Variants in IRS2 observed in about 807,000 individuals in gnomAD.
IRS2 encodes the protein insulin receptor substrate 2.
A neutral mutation model predicts 70.9 loss-of-function variants in IRS2; 28 were observed. That is an observed-to-expected ratio of 0.39 (90% CI 0.29 to 0.54). IRS2 has a LOEUF of 0.54. IRS2 is among the 20% of genes least tolerant of loss of function. IRS2 has a pLI of 0.59. For missense variants in IRS2, 2,081 were observed against 2,024.1 expected (o/e 1.03, Z -0.54); for synonymous variants, 1,217 against 981.9 (o/e 1.24, Z -4.48).
intron 1 of IRS2, among the ~76,000 whole-genome samples, chr13:109,779,287 G>C (rs1877645609): frequency 6.6e-6 from 1 of 152,220 alleles, no homozygotes; most frequent in African/African-American, 2.4e-5. Flanking sequence ...ATGCAGAACA[G>C]GAAGAGCTCA....
At position 109,782,025 on chromosome 13, in the gene IRS2, G is replaced by A. The variant is rs773358410; in HGVS notation, c.4012+17C>T. ...CCCCTCCTTCCCGCCAGACGCCAAGGCAAAGGGCCTCCTCACCTTTCACGA... is the reference window on the plus strand; with the variant it reads ...CCCCTCCTTCCCGCCAGACGCCAAGACAAAGGGCCTCCTCACCTTTCACGA... On this transcript the variant is annotated intron_variant, in intron 1 of 1. Coordinates refer to ENST00000375856, the MANE Select transcript of IRS2 (RefSeq NM_003749.3). 6 of 1,611,418 alleles carry A rather than the reference G, an allele frequency of 3.7e-6. No individual in the cohort carries two copies. The African/African-American group carries it at 8.0e-5, about 22-fold the overall frequency.
chr13:109,773,421 C>A (rs1816149573), intron 1 of IRS2, among the ~76,000 whole-genome samples: 1 of 152,182 alleles, frequency 6.6e-6, no homozygotes, highest in Admixed American at 6.5e-5. Flanking sequence ...ACTTATAGAA[C>A]AAGCACCTGT....
intron 1 of IRS2, among the ~76,000 whole-genome samples, chr13:109,775,753 A>AACACACAC (rs71127906): frequency 0.024 from 3,418 of 140,486 alleles, 52 homozygotes; most frequent in South Asian, 0.033. Context: ...ATATTATGGA[A>AACACACAC]ACACACACAC....
chr13:109,764,533 A>G (rs1877294348), intron 1 of IRS2, among the ~76,000 whole-genome samples: 2 of 152,232 alleles, frequency 1.3e-5, no homozygotes, highest in South Asian at 2.1e-4. Context: ...TACTAGCACA[A>G]CTGGCATTTT....
chr13:109,759,352 C>G (rs1357263990), intron 1 of IRS2, among the ~76,000 whole-genome samples: 2 of 152,158 alleles, frequency 1.3e-5, no homozygotes, highest in Non-Finnish European at 2.9e-5. Flanking sequence ...CCAGGTGACC[C>G]TTTGGGATGC....
chr13:109,773,055 T>G (rs1195431040), intron 1 of IRS2, among the ~76,000 whole-genome samples: 8 of 152,222 alleles, frequency 5.3e-5, no homozygotes, highest in Admixed American at 2.0e-4. Context: ...GCTAAAGTGT[T>G]TCTTTCTGCT....
At chr13:109,777,936 C>T (rs1251996251) in intron 1 of IRS2, among the ~76,000 whole-genome samples, 2 of 152,198 alleles carry the variant, frequency 1.3e-5, no homozygotes, top group Middle Eastern at 3.4e-3. Flanking sequence ...GAGCCTGGAG[C>T]GGAACTAGCA....
intron 1 of IRS2, among the ~76,000 whole-genome samples, chr13:109,769,537 G>A (rs4773088): frequency 0.31 from 47,602 of 151,842 alleles, 7,558 homozygotes; most frequent in Middle Eastern, 0.46. Flanking sequence ...CTTAACATCT[G>A]TAAGACCGGC....
At position 109,785,969 on chromosome 13, in the gene IRS2, G is replaced by GGTTGCT. The variant is rs1555317027; in HGVS notation, c.84_85insAGCAAC (p.Asn28_His29insSerAsn). ...AGGTAGCCGCACTTGCGCACGCTGTGGTTGTTGTTGTTGTTGTTGTTGTTG... is the reference window on the plus strand; with the variant it reads ...AGGTAGCCGCACTTGCGCACGCTGTGGTTGCTGTTGTTGTTGTTGTTGTTGTTGTTG... On this transcript the variant is annotated inframe_insertion, in exon 1 of 2. Coordinates refer to ENST00000375856, the MANE Select transcript of IRS2 (RefSeq NM_003749.3). This position sits in a 1 kb window ranked among gnomAD's most constrained non-coding sequence, Gnocchi z 9.3. 6.7e-7 allele frequency: 1 copy of GGTTGCT among 1,485,852 alleles called. No homozygotes were observed. The highest frequency in any genetic ancestry group is 1.5e-5 in the African/African-American group (1 of 68,656). 92.0% of individuals were successfully genotyped at this position (1,485,852 alleles called of 1,614,324 possible).
intron 1 of IRS2, among the ~76,000 whole-genome samples, chr13:109,767,115 G>A (rs922628934): frequency 6.6e-6 from 1 of 152,184 alleles, no homozygotes; most frequent in Non-Finnish European, 1.5e-5. Flanking sequence ...GCCTAGAAAC[G>A]TGGGCCCCAA....
At position 109,782,482 on chromosome 13, in the gene IRS2, C is replaced by G. The variant is rs1165352493; in HGVS notation, c.3572G>C (p.Gly1191Ala). The G allele has an allele frequency of 6.4e-7, 1 of 1,556,600 alleles. No individual in the cohort carries two copies. The highest frequency in any genetic ancestry group is 1.2e-5 in the South Asian group (1 of 86,062). Residue 1191 changes from glycine to alanine, a missense_variant, in exon 1 of 2, where the codon GGT (glycine) becomes GCT (alanine). Physicochemically the swap from Gly to Ala is moderately conservative, Grantham distance 60. Coordinates refer to ENST00000375856, the MANE Select transcript of IRS2 (RefSeq NM_003749.3). ...CTCGTCGCCCCCTCCAGGGCCGACA[C>G]CCACGCCGCCCTCGCTGCTTTTCCT... ...SLRKSSEGGV[G>A]VGPGGGDEPP... is the part of the protein sequence containing the mutation.
chr13:109,784,010 T>C lies in IRS2; in HGVS notation c.2044A>G (p.Ser682Gly), dbSNP rs1434738364. Residue 682 changes from serine to glycine, a missense_variant, in exon 1 of 2, where the codon AGC (serine) becomes GGC (glycine). By Grantham distance (56) the Ser-to-Gly change is moderately conservative. This residue lies in a region of IRS2 where 1,615 missense variants were observed against 1,459.5 expected (regional missense o/e 1.11). Transcript: ENST00000375856. The surrounding 1 kb of genome is among the most constrained non-coding windows in gnomAD (Gnocchi z 5.2). ...SDDYMPMSPA[S>G]VSAPKQILQP... is the part of the protein sequence containing the mutation. ...AAGATCTGCTTGGGGGCGGACACGCTGGCGGGGCTCATGGGCATGTAGTCG... is the reference window on the plus strand; with the variant it reads ...AAGATCTGCTTGGGGGCGGACACGCCGGCGGGGCTCATGGGCATGTAGTCG... The C allele has an allele frequency of 6.5e-7, 1 of 1,535,658 alleles. No individual in the cohort carries two copies. The highest frequency in any genetic ancestry group is 8.7e-7 in the Non-Finnish European group (1 of 1,145,636).
In IRS2 at chr13:109,768,930, C is replaced by T. The variant is rs374384228; in HGVS notation, c.4013-12622G>A. On this transcript the variant is annotated intron_variant, in intron 1 of 1. Coordinates refer to ENST00000375856, the MANE Select transcript of IRS2 (RefSeq NM_003749.3). ...GGGATAACAACAAGATCCAACCCTA[C>T]GCATAGGTTATTGGGATTCAATACC... 4.6e-5 allele frequency among the ~76,000 whole-genome samples: 7 copies of T among 152,198 alleles called. No homozygotes were observed. In the East Asian group the frequency reaches 5.8e-4, roughly 13 times the overall value.
At chr13:109,757,179 T>C (rs1156406853) in intron 1 of IRS2, among the ~76,000 whole-genome samples, 1 of 152,180 alleles carries the variant, frequency 6.6e-6, no homozygotes, top group Admixed American at 6.5e-5. Context: ...CAGAACAAAT[T>C]GGAAGATTTT....
chr13:109,780,521 G>A (rs1877672778), intron 1 of IRS2, among the ~76,000 whole-genome samples: 1 of 152,192 alleles, frequency 6.6e-6, no homozygotes, highest in African/African-American at 2.4e-5. Flanking sequence ...AAAGGAAATA[G>A]CTTTTCTCTA....
Position 109,753,568 on chromosome 13 carries a change from T to C in IRS2, c.*2736A>G, listed in dbSNP as rs1470649518. ...GCTATCAAGAAGTTAATATTTGTTATGTATTTAGAATGGCATCCAGCACGT... is the reference window on the plus strand; with the variant it reads ...GCTATCAAGAAGTTAATATTTGTTACGTATTTAGAATGGCATCCAGCACGT... On this transcript the variant is annotated 3_prime_UTR_variant, in exon 2 of 2. Coordinates refer to ENST00000375856, the MANE Select transcript of IRS2 (RefSeq NM_003749.3). 2 of 157,278 alleles carry C rather than the reference T, an allele frequency of 1.3e-5. No homozygotes were observed. The highest frequency in any genetic ancestry group is 2.4e-5 in the African/African-American group (1 of 41,644). 9.7% of individuals were successfully genotyped at this position (157,278 alleles called of 1,614,324 possible). A position where few individuals can be genotyped will look rare whatever the true frequency, so the allele number is the denominator to read the frequency against.
chr13:109,757,267 T>G (rs142529602), intron 1 of IRS2, among the ~76,000 whole-genome samples: 1 of 152,356 alleles, frequency 6.6e-6, no homozygotes, highest in African/African-American at 2.4e-5. Flanking sequence ...TTCATTTTCA[T>G]CACTCAGCAA....
At chr13:109,774,708 T>C (rs1877532186) in intron 1 of IRS2, among the ~76,000 whole-genome samples, 2 of 152,198 alleles carry the variant, frequency 1.3e-5, no homozygotes, top group African/African-American at 4.8e-5. Context: ...CTCCACACTG[T>C]AGGTTCTTGA....
chr13:109,785,087 G>C lies in IRS2; in HGVS notation c.967C>G (p.Arg323Gly). 6.3e-7 allele frequency: 1 copy of C among 1,580,672 alleles called. No individual in the cohort carries two copies. Among genetic ancestry groups the C allele is most frequent in the Non-Finnish European group, 8.6e-7 (1 of 1,164,556 alleles). Residue 323 changes from arginine (R) to glycine (G), a missense_variant, in exon 1 of 2, where the codon CGC becomes GGC. Physicochemically the swap from Arg to Gly is moderately radical, Grantham distance 125 (BLOSUM62 -2). Transcript: ENST00000375856. This position sits in a 1 kb window ranked among gnomAD's most constrained non-coding sequence, Gnocchi z 9.3. ...AGGTTGACCAGGTGGTGGTGGCGGC[G>C]CGCGCCGGGGACGCTGATGGGGTGC... is the stretch of plus-strand genomic sequence containing the variant. ...ATHPISVPGA[R>G]RHHHLVNLPP... is the part of the protein sequence containing the mutation.
Sources: gnomAD v4.1 joint callset for allele counts (sites outside exome capture counted in the v4.1 genomes callset) on GRCh38, gnomAD v4.1.1 for gene constraint, gnomAD v4.1.1 regional missense constraint, Gnocchi (gnomAD v3.1) non-coding constraint, MANE v1.5 for transcripts, NCBI Gene and HGNC (gene_info 2026-07-23, HGNC 2026-07-21) for gene names.